Variants in MAP2K4 observed in about 807,000 individuals in gnomAD.
The protein encoded by MAP2K4 is mitogen-activated protein kinase kinase 4.
A neutral mutation model predicts 48.5 loss-of-function variants in MAP2K4; 4 were observed. That is an observed-to-expected ratio of 0.08 (90% CI 0.04 to 0.19). MAP2K4 has a LOEUF of 0.19. MAP2K4 is among the 10% of genes least tolerant of loss of function. The probability of loss-of-function intolerance (pLI) is 1.00; values close to 1 mark genes in which losing one functional copy is unlikely to be tolerated. For missense variants in MAP2K4, 258 were observed against 493.3 expected (o/e 0.52, Z 4.52); for synonymous variants, 166 against 173.1 (o/e 0.96, Z 0.32).
At chr17:12,100,510 A>T (rs1258004651) in intron 4 of MAP2K4, among the ~76,000 whole-genome samples, 6 of 152,156 alleles carry the variant, frequency 3.9e-5, no homozygotes, top group Non-Finnish European at 8.8e-5. Flanking sequence ...TGTTACTAAT[A>T]AAGTTGCTTT....
intron 1 of MAP2K4, among the ~76,000 whole-genome samples, chr17:12,028,307 G>A (rs1969324353): frequency 6.6e-6 from 1 of 152,160 alleles, no homozygotes. Flanking sequence ...GATTTGATGA[G>A]TATTTTATCA....
At chr17:12,024,464 T>C (rs1228063761) in intron 1 of MAP2K4, among the ~76,000 whole-genome samples, 1 of 152,242 alleles carries the variant, frequency 6.6e-6, no homozygotes, top group Non-Finnish European at 1.5e-5. Flanking sequence ...ACTCATTTTT[T>C]TTTCATGTTC....
Position 12,141,165 on chromosome 17 carries a change from A to G in MAP2K4, c.1105A>G (p.Met369Val). The G allele has an allele frequency of 6.2e-7, 1 of 1,611,996 alleles. No individual in the cohort carries two copies. The highest frequency in any genetic ancestry group is 8.5e-7 in the Non-Finnish European group (1 of 1,178,242). ...KELLKHPFIL[M>V]YEERAVEVAC... ...CTTGCAGAAACATCCCTTTATTTTG[A>G]TGTATGAAGAACGTGCCGTTGAGGT... is the stretch of plus-strand genomic sequence containing the variant. Residue 369 changes from methionine to valine, a missense_variant, in exon 11 of 11, where the codon ATG becomes GTG. Met to Val is a conservative substitution (Grantham distance 21, BLOSUM62 1). Transcript: ENST00000353533.
At chr17:12,089,113 C>T (rs1021033508) in intron 3 of MAP2K4, among the ~76,000 whole-genome samples, 44 of 152,072 alleles carry the variant, frequency 2.9e-4, no homozygotes, top group Non-Finnish European at 3.4e-4. Flanking sequence ...GGGGTTTCAC[C>T]GTGTTAGCCA....
intron 6 of MAP2K4, 159 bp downstream of exon 6, chr17:12,110,585 AT>A (rs1336714073): frequency 3.5e-6 from 2 of 571,880 alleles, no homozygotes; most frequent in Non-Finnish European, 6.2e-6. Flanking sequence ...TATTACTGCT[AT>A]TTTTTTCTTT....
intron 2 of MAP2K4, among the ~76,000 whole-genome samples, chr17:12,065,780 C>G (rs1040253045): frequency 9.2e-5 from 14 of 152,184 alleles, no homozygotes; most frequent in African/African-American, 3.1e-4. Flanking sequence ...TCTCACTGAG[C>G]AGTATTTGTG....
intron 9 of MAP2K4, among the ~76,000 whole-genome samples, chr17:12,135,531 G>T (rs1192072197): frequency 6.6e-6 from 1 of 152,030 alleles, no homozygotes; most frequent in Non-Finnish European, 1.5e-5. Context: ...ACTGTACCTG[G>T]CCTGGATAAG....
rs150365540 is a variant in MAP2K4, at chr17:12,122,631, C to T, written c.814-2663C>T. 8.7e-3 allele frequency among the ~76,000 whole-genome samples: 1,331 copies of T among 152,218 alleles called. 18 individuals are homozygous for T. The highest frequency in any genetic ancestry group is 0.029 in the African/African-American group (1,210 of 41,518). On this transcript the variant is annotated intron_variant, in intron 7 of 10. Transcript: ENST00000353533. ...GAATAAAGGTAATGCTTGTTTTCCC[C>T]CTTGCCTTTCTATACTGGCTGGGTC...
chr17:12,097,678 G>A (rs768814719), intron 4 of MAP2K4, among the ~76,000 whole-genome samples: 8 of 152,130 alleles, frequency 5.3e-5, no homozygotes, highest in African/African-American at 7.2e-5. Context: ...AGTAATCTTC[G>A]GGATTTGGTG....
rs754538903 is a variant in MAP2K4 at position 12,129,305 on chromosome 17, G to T, written c.1040+18G>T. The T allele has an allele frequency of 2.5e-6, 4 of 1,614,066 alleles. No individual in the cohort carries two copies. The highest frequency in any genetic ancestry group is 1.6e-4 in the Middle Eastern group (1 of 6,084). On this transcript the variant is annotated intron_variant, in intron 9 of 10. Transcript: ENST00000353533. Reference sequence around the variant, plus strand: ...AACTTGTGGTGAGTACCTGATTTATGAATGGTCGAACACGCATGGCGAGAA... The same window carrying T: ...AACTTGTGGTGAGTACCTGATTTATTAATGGTCGAACACGCATGGCGAGAA...
At chr17:12,075,836 T>C (rs981670357) in intron 2 of MAP2K4, among the ~76,000 whole-genome samples, 6 of 152,194 alleles carry the variant, frequency 3.9e-5, no homozygotes, top group Admixed American at 2.0e-4. Flanking sequence ...AAGTGAAATC[T>C]ATAAGCAGTA....
At chr17:12,079,555 T>A in intron 2 of MAP2K4, among the ~76,000 whole-genome samples, 1 of 152,164 alleles carries the variant, frequency 6.6e-6, no homozygotes, top group East Asian at 1.9e-4. Context: ...TCATGAGGAC[T>A]TCCTGGAGCC....
intron 5 of MAP2K4, among the ~76,000 whole-genome samples, chr17:12,110,121 T>C (rs1328758230): frequency 2.0e-5 from 3 of 152,178 alleles, no homozygotes; most frequent in Non-Finnish European, 4.4e-5. Context: ...AAATGAATTA[T>C]TAAACAAATT....
chr17:12,082,727 A>G (rs1971233046), intron 3 of MAP2K4, among the ~76,000 whole-genome samples: 1 of 152,142 alleles, frequency 6.6e-6, no homozygotes. Context: ...GGTTCCTAAC[A>G]TTGTTTTTGG....
chr17:12,087,346 G>C (rs1359104344), intron 3 of MAP2K4, among the ~76,000 whole-genome samples: 3 of 152,082 alleles, frequency 2.0e-5, no homozygotes, highest in Non-Finnish European at 4.4e-5. Context: ...ATGGTCTTCA[G>C]ACCCTTAAAA....
At chr17:12,063,394 A>G (rs986434162) in intron 2 of MAP2K4, among the ~76,000 whole-genome samples, 3 of 152,126 alleles carry the variant, frequency 2.0e-5, no homozygotes, top group Non-Finnish European at 2.9e-5. Flanking sequence ...ATTCAGTGGG[A>G]AAAAAATAGG....
intron 9 of MAP2K4, among the ~76,000 whole-genome samples, chr17:12,129,832 G>A (rs1329257625): frequency 6.6e-6 from 1 of 152,178 alleles, no homozygotes; most frequent in Non-Finnish European, 1.5e-5. Context: ...CCCCACACCT[G>A]TTGTTGTTTG....
intron 10 of MAP2K4, 151 bp downstream of exon 10, chr17:12,140,035 T>G: frequency 1.9e-6 from 1 of 540,012 alleles, no homozygotes; most frequent in Non-Finnish European, 3.2e-6. Context: ...ACACAAAGAT[T>G]TGGAAAGAGA....
intron 5 of MAP2K4, among the ~76,000 whole-genome samples, chr17:12,108,413 C>CT (rs925861988): frequency 5.9e-5 from 9 of 152,046 alleles, no homozygotes; most frequent in Non-Finnish European, 1.2e-4. Context: ...AAAATTTTGA[C>CT]TAGCAGTTTC....
Sources: allele counts gnomAD v4.1 joint callset (sites outside exome capture counted in the v4.1 genomes callset), GRCh38; gene constraint gnomAD v4.1.1; transcripts MANE v1.5; gene names NCBI Gene and HGNC (gene_info 2026-07-23, HGNC 2026-07-21).